MILR1: variants seen among roughly 807,000 people sequenced by gnomAD.
MILR1 encodes allergin-1.
Under a neutral mutation model 18.5 loss-of-function variants are expected in MILR1, and 31 were observed. That is an observed-to-expected ratio of 1.68 (90% confidence interval 1.26 to 2.26). The LOEUF (loss-of-function observed/expected upper bound fraction) is 2.26, where lower values mean the gene tolerates loss of function less well. Among genes scored for constraint, MILR1 ranks in the 30% most tolerant of loss-of-function variants. The probability of loss-of-function intolerance (pLI) is 0.00; values close to 1 mark genes in which losing one functional copy is unlikely to be tolerated. For missense variants in MILR1, 257 were observed against 157.4 expected, an observed-to-expected ratio of 1.63 and a Z score of -3.38; for synonymous variants, 85 against 56.2, an observed-to-expected ratio of 1.51 and a Z score of -2.30.
downstream of MILR1, among the ~76,000 whole-genome samples, chr17:64,473,038 G>A (rs1488422061): frequency 6.6e-6 from 1 of 152,102 alleles, no homozygotes; most frequent in East Asian, 1.9e-4. Flanking sequence ...TCTCAGGGAT[G>A]GGGGATTACA....
At chr17:64,492,712 C>G in the MILR1 span, 14 of 1,613,184 alleles carry the variant, frequency 8.7e-6, no homozygotes, top group Non-Finnish European at 1.2e-5. Flanking sequence ...AATCAAGCCA[C>G]TGGTTTGAAG....
At chr17:64,492,286 G>A in the MILR1 span, among the ~76,000 whole-genome samples, 12 of 151,966 alleles carry the variant, frequency 7.9e-5, no homozygotes, top group African/African-American at 2.4e-4. Flanking sequence ...TTTTTTCAGT[G>A]AGTACTAAAA....
chr17:64,487,338 G>A, the MILR1 span: 4 of 152,284 alleles, frequency 2.6e-5, no homozygotes, highest in African/African-American at 7.2e-5. Context: ...ACTGGGCTGG[G>A]AGCAGTGGCT....
downstream of MILR1, among the ~76,000 whole-genome samples, chr17:64,473,605 C>T (rs2144109074): frequency 6.6e-6 from 1 of 152,274 alleles, no homozygotes; most frequent in South Asian, 2.1e-4. Flanking sequence ...AAAAATTAGA[C>T]ACCTAAGGAT....
chr17:64,467,473 G>C, intron 8 of MILR1, 92 bp from the exon 9 acceptor site: 1 of 746,002 alleles, frequency 1.3e-6, no homozygotes, highest in Non-Finnish European at 2.2e-6. Context: ...ACCTGGTTCT[G>C]TCAGGCCACC....
At chr17:64,497,042 A>T in the MILR1 span, 1 of 1,459,382 alleles carries the variant, frequency 6.9e-7, no homozygotes, top group South Asian at 1.1e-5. Context: ...CCGTTAACAG[A>T]ATCCGGAGAG....
At chr17:64,477,516 C>G in the MILR1 span, among the ~76,000 whole-genome samples, 1 of 152,314 alleles carries the variant, frequency 6.6e-6, no homozygotes, top group African/African-American at 2.4e-5. Context: ...CATGGCAGAA[C>G]AGAAGGGAAG....
intron 4 of MILR1, among the ~76,000 whole-genome samples, chr17:64,458,948 G>A (rs1399672293): frequency 2.6e-5 from 4 of 152,262 alleles, no homozygotes; most frequent in East Asian, 1.9e-4. Flanking sequence ...GGGCTGGGGC[G>A]TCCACGTGCA....
chr17:64,481,776 G>C, the MILR1 span, among the ~76,000 whole-genome samples: 1 of 152,110 alleles, frequency 6.6e-6, no homozygotes, highest in African/African-American at 2.4e-5. Flanking sequence ...TAGGGAGGCT[G>C]AGGCAGGAGA....
At chr17:64,461,109 A>G (rs1456091991) in intron 5 of MILR1, among the ~76,000 whole-genome samples, 177 bp downstream of exon 5, 2 of 152,132 alleles carry the variant, frequency 1.3e-5, no homozygotes, top group Non-Finnish European at 2.9e-5. Flanking sequence ...TGAACGGTTC[A>G]TGCAGAGGGT....
the MILR1 span, among the ~76,000 whole-genome samples, chr17:64,477,030 A>G: frequency 4.6e-5 from 7 of 152,222 alleles, no homozygotes. Flanking sequence ...ACAGGAAACA[A>G]ACTACAATAT....
At chr17:64,484,893 T>C in the MILR1 span, among the ~76,000 whole-genome samples, 1 of 152,190 alleles carries the variant, frequency 6.6e-6, no homozygotes, top group Non-Finnish European at 1.5e-5. Context: ...AACTTTTGAT[T>C]TGGGGCAGCT....
the MILR1 span, among the ~76,000 whole-genome samples, chr17:64,492,363 T>C: frequency 6.6e-6 from 1 of 152,194 alleles, no homozygotes; most frequent in South Asian, 2.1e-4. Flanking sequence ...TAGCAAAAGC[T>C]GAAGCTGTGA....
At chr17:64,481,954 AATT>A in the MILR1 span, among the ~76,000 whole-genome samples, 1 of 132,186 alleles carries the variant, frequency 7.6e-6, no homozygotes. Flanking sequence ...CAAATATTTT[AATT>A]ACTATGTCTA....
the MILR1 span, among the ~76,000 whole-genome samples, chr17:64,476,853 AAAAG>A: frequency 6.6e-6 from 1 of 151,930 alleles, no homozygotes; most frequent in Non-Finnish European, 1.5e-5. Flanking sequence ...AATAAAAAAA[AAAAG>A]AGAAAAACCT....
At chr17:64,482,966 T>C in the MILR1 span, 2 of 1,606,984 alleles carry the variant, frequency 1.2e-6, no homozygotes, top group African/African-American at 2.7e-5. Flanking sequence ...AAAGCAACCT[T>C]AATAGGGGCT....
At chr17:64,470,853 C>A (rs1180103111), downstream of MILR1, among the ~76,000 whole-genome samples, 2 of 152,180 alleles carry the variant, frequency 1.3e-5, no homozygotes, top group Non-Finnish European at 1.5e-5. Context: ...CTAAGAGAAG[C>A]CAATTAACTT....
At chr17:64,483,070 A>T in the MILR1 span, 1 of 764,512 alleles carries the variant, frequency 1.3e-6, no homozygotes, top group East Asian at 2.5e-5. Flanking sequence ...AATATAACAC[A>T]AGTTTAAATA....
At chr17:64,471,289 T>C (rs1234970324), downstream of MILR1, among the ~76,000 whole-genome samples, 4 of 152,112 alleles carry the variant, frequency 2.6e-5, no homozygotes, top group Non-Finnish European at 4.4e-5. Flanking sequence ...TGGAATCTTC[T>C]GAAGAGCCCA....
Sources: gnomAD v4.1 joint callset for allele counts (sites outside exome capture counted in the v4.1 genomes callset) on GRCh38, gnomAD v4.1.1 for gene constraint, MANE v1.5 for transcripts, NCBI Gene and HGNC (gene_info 2026-07-23, HGNC 2026-07-21) for gene names.